Variants in PEAK1 observed in about 807,000 individuals in gnomAD.
PEAK1 encodes the protein pseudopodium enriched atypical kinase 1.
In PEAK1, 54 loss-of-function variants were observed where a neutral mutation model predicts 124.7. The observed-to-expected ratio is 0.43, with a 90% CI of 0.35 to 0.54. The LOEUF is 0.54. Ranked by LOEUF, PEAK1 falls within the 20% of genes least tolerant of loss-of-function variation. The probability of loss-of-function intolerance (pLI) is 0.01; values close to 1 mark genes in which losing one functional copy is unlikely to be tolerated. For synonymous variants in PEAK1, 719 were observed against 760.0 expected (o/e 0.95, Z 0.89); for missense variants, 2,046 against 2,134.5 (o/e 0.96, Z 0.82).
intron 2 of PEAK1, chr15:77,352,607 C>T (rs2067273589): frequency 1.1e-6 from 1 of 950,728 alleles, no homozygotes; most frequent in Non-Finnish European, 1.3e-6. Flanking sequence ...GAATTAGCAA[C>T]TTCATACCAT....
rs573497416 is a variant in PEAK1, at chr15:77,119,657, C to T, written c.4078-4338G>A. Among the ~76,000 whole-genome samples, 7 of 152,326 alleles carry T rather than the reference C, an allele frequency of 4.6e-5. No homozygotes were observed. In the South Asian group the frequency reaches 1.5e-3, roughly 32 times the overall value. Reference sequence around the variant, plus strand: ...CTCAGACTCGGGTCAAAGAACCCAACATTTACAATCTTAGCAGGGAAACAG... The same window carrying T: ...CTCAGACTCGGGTCAAAGAACCCAATATTTACAATCTTAGCAGGGAAACAG... On this transcript the variant is annotated intron_variant, in intron 9 of 9. Transcript: ENST00000682557.
At position 77,179,391 on chromosome 15, in the gene PEAK1, G is replaced by T. The variant is rs2057096766; in HGVS notation, c.2536C>A (p.Pro846Thr). The T allele has an allele frequency of 6.2e-7, 1 of 1,614,038 alleles. No individual in the cohort carries two copies. Among genetic ancestry groups the T allele is most frequent in the Non-Finnish European group, 8.5e-7 (1 of 1,180,002 alleles). ...DSPTTKVQKD[P>T]SIKPVTPSPS... is the part of the protein sequence containing the mutation. Reference sequence around the variant, plus strand: ...GAGGGGGTGACTGGCTTTATGGATGGGTCTTTCTGTACTTTGGTGGTAGGA... The same window carrying T: ...GAGGGGGTGACTGGCTTTATGGATGTGTCTTTCTGTACTTTGGTGGTAGGA... The change falls in exon 7 of 10, where the codon CCA becomes ACA. Residue 846 changes from proline (P) to threonine (T), a missense_variant. Coordinates refer to ENST00000682557, the MANE Select transcript of PEAK1 (RefSeq NM_001385026.1).
intron 5 of PEAK1, among the ~76,000 whole-genome samples, chr15:77,276,466 G>A (rs1020585051): frequency 9.2e-5 from 14 of 152,164 alleles, no homozygotes; most frequent in African/African-American, 3.4e-4. Context: ...GAAAAGGCTT[G>A]TTAACTCAGA....
At chr15:77,251,544 A>G (rs571187599) in intron 6 of PEAK1, among the ~76,000 whole-genome samples, 11 of 152,130 alleles carry the variant, frequency 7.2e-5, no homozygotes, top group African/African-American at 2.4e-4. Flanking sequence ...TTCAAAAAAT[A>G]ACACCAAAAA....
intron 5 of PEAK1, among the ~76,000 whole-genome samples, chr15:77,282,990 A>T (rs2062748337): frequency 6.6e-6 from 1 of 152,200 alleles, no homozygotes; most frequent in African/African-American, 2.4e-5. Context: ...AACTAGCTCT[A>T]TTCAAGTCTG....
At chr15:77,293,330 ATTT>A (rs939604988) in intron 2 of PEAK1, among the ~76,000 whole-genome samples, 1 of 152,166 alleles carries the variant, frequency 6.6e-6, no homozygotes, top group Non-Finnish European at 1.5e-5. Context: ...TAAGCACCAC[ATTT>A]TTTGATATAT....
At chr15:77,360,796 T>C (rs949915479) in intron 2 of PEAK1, among the ~76,000 whole-genome samples, 1 of 151,748 alleles carries the variant, frequency 6.6e-6, no homozygotes, top group Admixed American at 6.6e-5. Flanking sequence ...TAAACATATA[T>C]ATACAAATAA....
rs530850145 is a variant in PEAK1 at position 77,207,988 on chromosome 15, T to C, written c.-114-25948A>G. Among the ~76,000 whole-genome samples the C allele has an allele frequency of 2.0e-5, 3 of 152,304 alleles. No homozygotes were observed. The South Asian group carries it at 6.2e-4, about 32-fold the overall frequency. On this transcript the variant is annotated intron_variant, in intron 6 of 9. Coordinates refer to ENST00000682557, the MANE Select transcript of PEAK1 (RefSeq NM_001385026.1). ...GGTTGGGCTAAAAACGGATCCATGC[T>C]ACTCTGAAATAAGGGACAAGGCTCT...
At chr15:77,280,019 A>G (rs2062577550) in intron 5 of PEAK1, among the ~76,000 whole-genome samples, 1 of 152,126 alleles carries the variant, frequency 6.6e-6, no homozygotes, top group Non-Finnish European at 1.5e-5. Flanking sequence ...GGATCCGAAC[A>G]TGTGTTAAAG....
At chr15:77,117,623 A>G (rs1185031240) in intron 9 of PEAK1, among the ~76,000 whole-genome samples, 2 of 152,230 alleles carry the variant, frequency 1.3e-5, no homozygotes, top group African/African-American at 4.8e-5. Context: ...TTGATAGAGG[A>G]CAGACAAAAA....
At chr15:77,221,995 A>G (rs2059411746) in intron 6 of PEAK1, among the ~76,000 whole-genome samples, 1 of 152,046 alleles carries the variant, frequency 6.6e-6, no homozygotes, top group African/African-American at 2.4e-5. Flanking sequence ...CTACTGGGGC[A>G]TATCTTGGCC....
At chr15:77,128,135 A>G (rs2052550540) in intron 9 of PEAK1, among the ~76,000 whole-genome samples, 1 of 152,022 alleles carries the variant, frequency 6.6e-6, no homozygotes, top group Non-Finnish European at 1.5e-5. Flanking sequence ...GGGTGTGGCT[A>G]AACAACTATT....
At chr15:77,116,704 CTATCTAT>C (rs2051409705) in intron 9 of PEAK1, among the ~76,000 whole-genome samples, 2 of 14,478 alleles carry the variant, frequency 1.4e-4, no homozygotes, top group Admixed American at 7.7e-4. Flanking sequence ...ATCAATCAAT[CTATCTAT>C]CTATCTATCT....
Position 77,178,805 on chromosome 15 carries a change from G to C in PEAK1, c.3122C>G (p.Pro1041Arg). 1 of 1,612,542 alleles carries C rather than the reference G, an allele frequency of 6.2e-7. No homozygotes were observed. The highest frequency in any genetic ancestry group is 8.5e-7 in the Non-Finnish European group (1 of 1,179,226). The change falls in exon 7 of 10, where the codon CCT becomes CGT. Residue 1041 changes from proline to arginine, a missense_variant. By Grantham distance (103) the Pro-to-Arg change is moderately radical. Coordinates refer to ENST00000682557, the MANE Select transcript of PEAK1 (RefSeq NM_001385026.1). The stretch of plus-strand genomic sequence containing the variant: ...TTTTACATACCTGAGAATCTTTTTA[G>C]GAATCTGTGATGGAGAAGAATGACT... ...KRSHSSPSQI[P>R]KKILSHMTHE...
At chr15:77,129,662 T>C (rs1005561876) in intron 9 of PEAK1, among the ~76,000 whole-genome samples, 2 of 149,716 alleles carry the variant, frequency 1.3e-5, no homozygotes, top group African/African-American at 4.9e-5. Flanking sequence ...GCCAGGCTGG[T>C]CTCCATCTCC....
intron 1 of PEAK1, among the ~76,000 whole-genome samples, chr15:77,398,504 G>A (rs1465270171): frequency 6.6e-6 from 1 of 152,024 alleles, no homozygotes; most frequent in Non-Finnish European, 1.5e-5. Context: ...ACAGAATGAA[G>A]GACAAAACCC....
chr15:77,220,411 A>G (rs577074488), intron 6 of PEAK1, among the ~76,000 whole-genome samples: 1 of 151,820 alleles, frequency 6.6e-6, no homozygotes, highest in Non-Finnish European at 1.5e-5. Flanking sequence ...TTTTATCAAC[A>G]TATGATTGGA....
intron 7 of PEAK1, among the ~76,000 whole-genome samples, chr15:77,169,844 C>G (rs1385285458): frequency 6.6e-6 from 1 of 152,084 alleles, no homozygotes. Context: ...GCTTGAGCAA[C>G]TGAATGAATG....
chr15:77,323,634 G>A (rs1263760926), intron 2 of PEAK1, among the ~76,000 whole-genome samples: 1 of 152,150 alleles, frequency 6.6e-6, no homozygotes. Context: ...AAATTAAAGA[G>A]GATACCAACA....
Sources: gnomAD v4.1 joint callset for allele counts (sites outside exome capture counted in the v4.1 genomes callset) on GRCh38, gnomAD v4.1.1 for gene constraint, MANE v1.5 for transcripts, NCBI Gene and HGNC (gene_info 2026-07-23, HGNC 2026-07-21) for gene names.